The following DERL3 variants were observed in gnomAD, a reference collection of about 807,000 sequenced individuals.
The protein encoded by DERL3 is derlin-3.
In DERL3, 20 loss-of-function variants were observed where a neutral mutation model predicts 23.8. That is an observed-to-expected ratio of 0.84 (90% CI 0.59 to 1.22). The LOEUF (loss-of-function observed/expected upper bound fraction) is 1.22. DERL3 is among the 50% of genes most tolerant of loss of function. The probability of loss-of-function intolerance (pLI) is 0.00; values close to 1 mark genes in which losing one functional copy is unlikely to be tolerated. For synonymous variants in DERL3, 145 were observed against 132.5 expected (o/e 1.09, Z -0.65); for missense variants, 319 against 304.1 (o/e 1.05, Z -0.36).
rs1318229289 is a variant in DERL3 at position 23,838,973 on chromosome 22, T to A, written c.15A>T (p.Gly5=). The A allele has an allele frequency of 1.9e-6, 3 of 1,574,254 alleles. No homozygotes were observed. Among genetic ancestry groups the A allele is most frequent in the Middle Eastern group, 1.8e-4 (1 of 5,584 alleles). Residue 5 remains glycine (G), a synonymous_variant, in exon 1 of 7, where the codon GGA becomes GGT. Transcript: ENST00000318109. The part of the protein sequence containing the change: MAWQ[G]LAAEFLQVPA... ...GCACCTGCAGGAACTCGGCCGCTAGTCCCTGCCACGCCATTGAACCTTCTC... is the reference window on the plus strand; with the variant it reads ...GCACCTGCAGGAACTCGGCCGCTAGACCCTGCCACGCCATTGAACCTTCTC...
At position 23,838,611 on chromosome 22, in the gene DERL3, GAGGA is replaced by G; in HGVS notation, c.182_185del (p.Phe61SerfsTer47). The G allele has an allele frequency of 6.3e-7, 1 of 1,584,818 alleles. No homozygotes were observed. ...AGCTGAATCCCAGGGGCCCGAAGAAGAGGAAGTTGGTGACGAGCCTCCAGACCTA... is the reference window on the plus strand; with the variant it reads ...AGCTGAATCCCAGGGGCCCGAAGAAGAGTTGGTGACGAGCCTCCAGACCTA... On this transcript the variant is annotated frameshift_variant, in exon 3 of 7. Coordinates refer to ENST00000318109, the MANE Select transcript of DERL3 (RefSeq NM_001002862.3). LOFTEE classifies it high-confidence loss of function.
Position 23,836,033 on chromosome 22 carries a change from A to G in DERL3, c.*836T>C. 1 of 985,516 alleles carries G rather than the reference A, an allele frequency of 1.0e-6. No individual in the cohort carries two copies. Among genetic ancestry groups the G allele is most frequent in the Non-Finnish European group, 1.2e-6 (1 of 829,964 alleles). The allele number at this position is 985,516 out of a possible 1,614,324, so 61.0% of individuals were successfully genotyped here. ...TCCAGAAATAAACCACAACATGGAC[A>G]GGCTTAGAACAACAAGGAAAGCTGC... On this transcript the variant is annotated 3_prime_UTR_variant, in exon 7 of 7. Transcript: ENST00000318109.
intron 4 of DERL3, 153 bp from the exon 5 acceptor site, chr22:23,838,007 G>T (rs1275386697): frequency 1.3e-5 from 16 of 1,260,128 alleles, no homozygotes; most frequent in Non-Finnish European, 1.6e-5. Flanking sequence ...ACACTCCACG[G>T]GCTTCAGGTC....
chr22:23,837,749 C>A lies in DERL3; in HGVS notation c.433G>T (p.Gly145Cys). Residue 145 changes from glycine to cysteine, a missense_variant, in exon 5 of 7, where the codon GGC becomes TGC. Gly to Cys is a radical substitution (Grantham distance 159). Coordinates refer to ENST00000318109, the MANE Select transcript of DERL3 (RefSeq NM_001002862.3). ...RSPRVRVNFF[G>C]LLTFQAPFLP... Reference sequence around the variant, plus strand: ...AACGGTGCCTGGAAAGTGAGCAGGCCGAAGAAGTTGACCCTCACCCGAGGG... The same window carrying A: ...AACGGTGCCTGGAAAGTGAGCAGGCAGAAGAAGTTGACCCTCACCCGAGGG... 1 of 1,614,000 alleles carries A rather than the reference C, an allele frequency of 6.2e-7. No individual in the cohort carries two copies. The highest frequency in any genetic ancestry group is 1.1e-5 in the South Asian group (1 of 91,084).
Position 23,834,809 on chromosome 22 carries a change from T to C in DERL3, c.*2060A>G, listed in dbSNP as rs552692644. ...TGCCTTTCAGGAACAGCCCTAACCC[T>C]GCTCCCCTTGCTTGGCCTCAGGAAG... is the stretch of plus-strand genomic sequence containing the variant. On this transcript the variant is annotated 3_prime_UTR_variant, in exon 7 of 7. Coordinates refer to ENST00000318109, the MANE Select transcript of DERL3 (RefSeq NM_001002862.3). The C allele has an allele frequency of 1.7e-5, 27 of 1,606,472 alleles. No homozygotes were observed. In the East Asian group the frequency reaches 5.8e-4, roughly 34 times the overall value.
At chr22:23,837,616 G>C in intron 5 of DERL3, 43 bp downstream of exon 5, 1 of 1,587,596 alleles carries the variant, frequency 6.3e-7, no homozygotes, top group South Asian at 1.1e-5. Flanking sequence ...GTCCTGAGGG[G>C]AGTGGCCAGC....
At chr22:23,837,940 C>G in intron 4 of DERL3, 86 bp from the exon 5 acceptor site, 1 of 1,253,412 alleles carries the variant, frequency 8.0e-7, no homozygotes, top group Non-Finnish European at 1.1e-6. Context: ...AATTCTTCCC[C>G]TCATCTCCCC....
chr22:23,837,457 T>TC, intron 5 of DERL3: 1 of 663,088 alleles, frequency 1.5e-6, no homozygotes, highest in Middle Eastern at 4.2e-4. Flanking sequence ...CATCAGTAGA[T>TC]CCGTCCTGAC....
At chr22:23,837,176 T>C (rs1368852731) in intron 5 of DERL3, 22 bp from the exon 6 acceptor site, 1 of 1,612,698 alleles carries the variant, frequency 6.2e-7, no homozygotes, top group Non-Finnish European at 8.5e-7. Flanking sequence ...CCACGGACTG[T>C]GGGGTCACCC....
At position 23,838,604 on chromosome 22, in the gene DERL3, C is replaced by A. The variant is rs1226987056; in HGVS notation, c.193G>T (p.Gly65Trp). 1.3e-6 allele frequency: 2 copies of A among 1,578,004 alleles called. No homozygotes were observed. The highest frequency in any genetic ancestry group is 1.9e-5 in the Admixed American group (1 of 53,640). The change falls in exon 3 of 7, where the codon GGG (glycine) becomes TGG (tryptophan). Residue 65 changes from glycine to tryptophan, a missense_variant. Physicochemically the swap from Gly to Trp is radical, Grantham distance 184 (BLOSUM62 -2). Transcript: ENST00000318109. Reference sequence around the variant, plus strand: ...AAGAAGAAGCTGAATCCCAGGGGCCCGAAGAAGAGGAAGTTGGTGACGAGC... The same window carrying A: ...AAGAAGAAGCTGAATCCCAGGGGCCAGAAGAAGAGGAAGTTGGTGACGAGC... ...WRLVTNFLFF[G>W]PLGFSFFFNM... is the part of the protein sequence containing the mutation.
chr22:23,838,302 G>T, intron 4 of DERL3, 50 bp downstream of exon 4: 7 of 1,559,974 alleles, frequency 4.5e-6, no homozygotes, highest in Non-Finnish European at 6.1e-6. Flanking sequence ...AACACAGGCT[G>T]GACGCCGAGG....
At position 23,836,143 on chromosome 22, in the gene DERL3, C is replaced by T. The variant is rs1601452925; in HGVS notation, c.*726G>A. On this transcript the variant is annotated 3_prime_UTR_variant, in exon 7 of 7. Coordinates refer to ENST00000318109, the MANE Select transcript of DERL3 (RefSeq NM_001002862.3). ...TAAAAAGGGCAGGAACAGAACCTTC[C>T]AGAAGTCCCTGCCTCACCCAGTCTC... 1.0e-6 allele frequency: 1 copy of T among 985,458 alleles called. No homozygotes were observed. Among genetic ancestry groups the T allele is most frequent in the Non-Finnish European group, 1.2e-6 (1 of 829,952 alleles). The allele number at this position is 985,458 out of a possible 1,614,324, so 61.0% of individuals were successfully genotyped here. A position where few individuals can be genotyped will look rare whatever the true frequency, so the allele number is the denominator to read the frequency against.
chr22:23,838,440 C>T lies in DERL3; in HGVS notation c.239G>A (p.Arg80His). Residue 80 changes from arginine to histidine, a missense_variant, in exon 4 of 7, where the codon CGC (arginine) becomes CAC (histidine). Transcript: ENST00000318109. ...SFFFNMLFVF[R>H]YCRMLEEGSF... Reference sequence around the variant, plus strand: ...GCCCTCTTCCAGCATGCGGCAGTAGCGGAACCTACGGCGTCGGTATAGGAA... The same window carrying T: ...GCCCTCTTCCAGCATGCGGCAGTAGTGGAACCTACGGCGTCGGTATAGGAA... 2 of 1,602,432 alleles carry T rather than the reference C, an allele frequency of 1.2e-6. No homozygotes were observed. Among genetic ancestry groups the T allele is most frequent in the Non-Finnish European group, 1.7e-6 (2 of 1,174,304 alleles).
intron 1 of DERL3, 59 bp downstream of exon 1, chr22:23,838,836 C>G: frequency 6.4e-7 from 1 of 1,550,798 alleles, no homozygotes; most frequent in Non-Finnish European, 8.7e-7. Context: ...CATGGCGACC[C>G]TCACCCCTCC....
Position 23,835,076 on chromosome 22 carries a change from T to G in DERL3, c.*1793A>C. 1 of 1,397,090 alleles carries G rather than the reference T, an allele frequency of 7.2e-7. No individual in the cohort carries two copies. The highest frequency in any genetic ancestry group is 9.3e-7 in the Non-Finnish European group (1 of 1,078,618). The allele number at this position is 1,397,090 out of a possible 1,614,324, so 86.5% of individuals were successfully genotyped here. A position where few individuals can be genotyped will look rare whatever the true frequency, so the allele number is the denominator to read the frequency against. On this transcript the variant is annotated 3_prime_UTR_variant, in exon 7 of 7. Coordinates refer to ENST00000318109, the MANE Select transcript of DERL3 (RefSeq NM_001002862.3). ...AGCAGGTGCTGTGGCCTGGGCCAGCTCCTGCCTTACAAGCCAGCTGTGAGG... is the reference window on the plus strand; with the variant it reads ...AGCAGGTGCTGTGGCCTGGGCCAGCGCCTGCCTTACAAGCCAGCTGTGAGG...
rs777812186 is a variant in DERL3 at position 23,837,833 on chromosome 22, G to A, written c.349C>T (p.Leu117=). 1.1e-5 allele frequency: 17 copies of A among 1,613,030 alleles called. No individual in the cohort carries two copies. Among genetic ancestry groups the A allele is most frequent in the Non-Finnish European group, 1.3e-5 (15 of 1,179,640 alleles). ...ATGAGGGCCTGGCCCAGGAAGAACA[G>A]GCTGCCCAGGAGTCCCAGCAGCTGG... The part of the protein sequence containing the change: ...LMTLLGLLGS[L]FFLGQALMAM... Residue 117 remains leucine, a synonymous_variant, in exon 5 of 7, where the codon CTG becomes TTG. Transcript: ENST00000318109.
Position 23,835,339 on chromosome 22 carries a change from G to C in DERL3, c.*1530C>G. 1 of 1,001,906 alleles carries C rather than the reference G, an allele frequency of 1.0e-6. No homozygotes were observed. Among genetic ancestry groups the C allele is most frequent in the South Asian group, 4.6e-5 (1 of 21,768 alleles). The allele number at this position is 1,001,906 out of a possible 1,614,324, so 62.1% of individuals were successfully genotyped here. Reference sequence around the variant, plus strand: ...GAGAATGGGCACAGATCCGGGCACAGATCCCAGCACAGACTGCTGCCACCC... The same window carrying C: ...GAGAATGGGCACAGATCCGGGCACACATCCCAGCACAGACTGCTGCCACCC... On this transcript the variant is annotated 3_prime_UTR_variant, in exon 7 of 7. Transcript: ENST00000318109.
At position 23,837,073 on chromosome 22, in the gene DERL3, G is replaced by A; in HGVS notation, c.605C>T (p.Pro202Leu). 6.2e-7 allele frequency: 1 copy of A among 1,613,904 alleles called. No homozygotes were observed. The highest frequency in any genetic ancestry group is 1.1e-5 in the South Asian group (1 of 91,068). Residue 202 changes from proline (P) to leucine (L), a missense_variant, in exon 6 of 7, where the codon CCT (proline) becomes CTT (leucine). Coordinates refer to ENST00000318109, the MANE Select transcript of DERL3 (RefSeq NM_001002862.3). ...QPGGKRLLQTPGFLKLLLDAP... is the reference protein window; with the variant it reads ...QPGGKRLLQTLGFLKLLLDAP... ...GGCTCTCAACACTCACAGGAAGCCA[G>A]GGGTCTGCAGGAGCCTCTTGCCTCC... is the stretch of plus-strand genomic sequence containing the variant.
Position 23,837,727 on chromosome 22 carries a change from G to C in DERL3, c.455C>G (p.Pro152Arg), listed in dbSNP as rs149274985. The change falls in exon 5 of 7, where the codon CCG becomes CGG. Residue 152 changes from proline (P) to arginine (R), a missense_variant. By Grantham distance (103) the Pro-to-Arg change is moderately radical. Coordinates refer to ENST00000318109, the MANE Select transcript of DERL3 (RefSeq NM_001002862.3). ...NFFGLLTFQAPFLPWALMGFS... is the reference protein window; with the variant it reads ...NFFGLLTFQARFLPWALMGFS... ...GCCCATGAGCGCCCAAGGCAGGAACGGTGCCTGGAAAGTGAGCAGGCCGAA... is the reference window on the plus strand; with the variant it reads ...GCCCATGAGCGCCCAAGGCAGGAACCGTGCCTGGAAAGTGAGCAGGCCGAA... 6.2e-7 allele frequency: 1 copy of C among 1,614,006 alleles called. No individual in the cohort carries two copies. The highest frequency in any genetic ancestry group is 8.5e-7 in the Non-Finnish European group (1 of 1,180,006).
Sources: allele counts gnomAD v4.1 joint callset, GRCh38; gene constraint gnomAD v4.1.1; transcripts MANE v1.5; gene names NCBI Gene and HGNC (gene_info 2026-07-23, HGNC 2026-07-21).